The following PDILT variants were observed in gnomAD, a reference collection of about 807,000 sequenced individuals.
PDILT encodes the protein protein disulfide-isomerase-like protein of the testis.
In PDILT, 43 loss-of-function variants were observed where a neutral mutation model predicts 53.7. The observed-to-expected ratio is 0.80, with a 90% CI of 0.63 to 1.03. The LOEUF is 1.03. Ranked by LOEUF, PDILT falls within the 50% of genes least tolerant of loss-of-function variation. The pLI is 0.00. For missense variants in PDILT, 727 were observed against 712.3 expected, an observed-to-expected ratio of 1.02 and a Z score of -0.24; for synonymous variants, 282 against 274.2, an observed-to-expected ratio of 1.03 and a Z score of -0.28.
rs1966268604 is a variant in PDILT at position 20,369,488 on chromosome 16, C to A, written c.1116+4G>T. On this transcript the variant is annotated splice_donor_region_variant and intron_variant, in intron 8 of 11. Coordinates refer to ENST00000302451, the MANE Select transcript of PDILT (RefSeq NM_174924.2). Reference sequence around the variant, plus strand: ...GGATAAACCTTGTCCAAGAAAAAACCTACTGTGGCATTTTTACTCAGGAAG... The same window carrying A: ...GGATAAACCTTGTCCAAGAAAAAACATACTGTGGCATTTTTACTCAGGAAG... 1 of 1,613,074 alleles carries A rather than the reference C, an allele frequency of 6.2e-7. No homozygotes were observed. The highest frequency in any genetic ancestry group is 8.5e-7 in the Non-Finnish European group (1 of 1,179,060).
At chr16:20,390,566 A>G (rs1351924860) in intron 2 of PDILT, 1 of 152,148 alleles carries the variant, frequency 6.6e-6, no homozygotes, top group Non-Finnish European at 1.5e-5. Context: ...CGTAGGAAAT[A>G]CTATATATTT....
At chr16:20,387,974 C>T (rs1373075393) in intron 2 of PDILT, among the ~76,000 whole-genome samples, 1 of 151,976 alleles carries the variant, frequency 6.6e-6, no homozygotes, top group African/African-American at 2.4e-5. Flanking sequence ...GTAATCCAGG[C>T]AAGAGATGGT....
In PDILT at chr16:20,384,765, C is replaced by T. The variant is rs375479299; in HGVS notation, c.289G>A (p.Gly97Ser). 94 of 1,614,002 alleles carry T rather than the reference C, an allele frequency of 5.8e-5. No individual in the cohort carries two copies. The highest frequency in any genetic ancestry group is 7.5e-5 in the Non-Finnish European group (89 of 1,180,022). The change falls in exon 3 of 12, where the codon GGC becomes AGC. Residue 97 changes from glycine (G) to serine (S), a missense_variant. Coordinates refer to ENST00000302451, the MANE Select transcript of PDILT (RefSeq NM_174924.2). ...EIMGKGKNGI[G>S]FGKVDITIEK... ...ATGGTAATGTCCACTTTGCCAAAGCCGATCCCATTCTTGCCTTTGCCCATG... is the reference window on the plus strand; with the variant it reads ...ATGGTAATGTCCACTTTGCCAAAGCTGATCCCATTCTTGCCTTTGCCCATG...
In PDILT at chr16:20,373,027, G is replaced by A. The variant is rs145263436; in HGVS notation, c.777C>T (p.Ile259=). Residue 259 remains isoleucine (I), a synonymous_variant, in exon 6 of 12, where the codon ATC becomes ATT. Transcript: ENST00000302451. ...VIKQHLTDFV[I]EYNTENKDLI... ...ACTCACTGACCTCAGTGTTGTATTCGATCACAAAATCTGTAAGGTGCTGTT... is the reference window on the plus strand; with the variant it reads ...ACTCACTGACCTCAGTGTTGTATTCAATCACAAAATCTGTAAGGTGCTGTT... The A allele has an allele frequency of 5.0e-5, 80 of 1,613,976 alleles. No individual in the cohort carries two copies. Among genetic ancestry groups the A allele is most frequent in the African/African-American group, 3.9e-4 (29 of 74,966 alleles).
At chr16:20,377,711 T>C (rs1966406358) in intron 3 of PDILT, among the ~76,000 whole-genome samples, 1 of 152,074 alleles carries the variant, frequency 6.6e-6, no homozygotes, top group South Asian at 2.1e-4. Context: ...TCCCAGCACT[T>C]TGGGAGGCCG....
intron 1 of PDILT, among the ~76,000 whole-genome samples, chr16:20,399,961 G>T (rs1966708509): frequency 6.6e-6 from 1 of 151,752 alleles, no homozygotes; most frequent in African/African-American, 2.4e-5. Context: ...AGTATGGAAT[G>T]AATCCTTACA....
At chr16:20,360,138 T>A (rs1966076299) in intron 11 of PDILT, among the ~76,000 whole-genome samples, 1 of 151,596 alleles carries the variant, frequency 6.6e-6, no homozygotes, top group South Asian at 2.1e-4. Flanking sequence ...AAGCAAAGAG[T>A]AGTGTCTGAA....
intron 8 of PDILT, among the ~76,000 whole-genome samples, chr16:20,366,637 C>T (rs142164339): frequency 3.3e-5 from 5 of 152,094 alleles, no homozygotes; most frequent in Non-Finnish European, 5.9e-5. Flanking sequence ...ACTGAATGAA[C>T]AAAAAATGAG....
At position 20,359,437 on chromosome 16, in the gene PDILT, G is replaced by A. The variant is rs1380327184; in HGVS notation, c.1637C>T (p.Ser546Phe). The A allele has an allele frequency of 1.2e-6, 2 of 1,614,078 alleles. No homozygotes were observed. The highest frequency in any genetic ancestry group is 2.7e-5 in the African/African-American group (2 of 74,998). ...PELENMTKYV[S>F]KLEEPAGKKK... Reference sequence around the variant, plus strand: ...CTTCCCAGCGGGCTCTTCCAGCTTGGATACGTACTTGGTCATGTTCTCCAG... The same window carrying A: ...CTTCCCAGCGGGCTCTTCCAGCTTGAATACGTACTTGGTCATGTTCTCCAG... The change falls in exon 12 of 12, where the codon TCC becomes TTC. Residue 546 changes from serine to phenylalanine, a missense_variant. By Grantham distance (155) the Ser-to-Phe change is radical. Coordinates refer to ENST00000302451, the MANE Select transcript of PDILT (RefSeq NM_174924.2).
intron 2 of PDILT, among the ~76,000 whole-genome samples, chr16:20,391,641 C>A (rs993203162): frequency 3.9e-5 from 6 of 152,022 alleles, no homozygotes; most frequent in South Asian, 2.1e-4. Flanking sequence ...TCTATGGAAG[C>A]CTACCATGCT....
At chr16:20,390,587 T>C (rs1324914665) in intron 2 of PDILT, 1 of 152,196 alleles carries the variant, frequency 6.6e-6, no homozygotes, top group Non-Finnish European at 1.5e-5. Flanking sequence ...TACTTATTTT[T>C]CTTTTGTCTT....
intron 2 of PDILT, among the ~76,000 whole-genome samples, chr16:20,395,534 T>C (rs779328312): frequency 3.1e-4 from 47 of 152,340 alleles, no homozygotes; most frequent in Admixed American, 7.2e-4. Flanking sequence ...GGAGTTGCTA[T>C]GTCAGGCATT....
chr16:20,394,986 A>C (rs1966645220), intron 2 of PDILT, among the ~76,000 whole-genome samples: 1 of 152,242 alleles, frequency 6.6e-6, no homozygotes, highest in African/African-American at 2.4e-5. Context: ...GTGATCTTTA[A>C]GATAACTAGT....
intron 2 of PDILT, among the ~76,000 whole-genome samples, chr16:20,395,169 C>T (rs765006604): frequency 6.6e-6 from 1 of 152,146 alleles, no homozygotes; most frequent in African/African-American, 2.4e-5. Context: ...ATGGCAAATA[C>T]TGAGAATCAG....
intron 7 of PDILT, 32 bp from the exon 8 acceptor site, chr16:20,369,721 G>A (rs1966275746): frequency 6.2e-7 from 1 of 1,609,976 alleles, no homozygotes; most frequent in Non-Finnish European, 8.5e-7. Flanking sequence ...TTGTCTCTCT[G>A]GATCCTTTGC....
At chr16:20,367,029 T>TTCTTTCTTTCTTTCTTTCTCTCTCTC (rs1966211168) in intron 8 of PDILT, among the ~76,000 whole-genome samples, 1 of 4,622 alleles carries the variant, frequency 2.2e-4, no homozygotes, top group African/African-American at 7.5e-4. Context: ...TCTTTCTTCT[T>TTCTTTCTTTCTTTCTTTCTCTCTCTC]TCTTTCTTTC....
chr16:20,379,559 C>G (rs907056420), intron 3 of PDILT, among the ~76,000 whole-genome samples: 3 of 152,194 alleles, frequency 2.0e-5, no homozygotes, highest in African/African-American at 7.2e-5. Context: ...AAGCAATTCT[C>G]CCACCTTAGC....
At chr16:20,381,258 A>G (rs1966457235) in intron 3 of PDILT, among the ~76,000 whole-genome samples, 1 of 152,228 alleles carries the variant, frequency 6.6e-6, no homozygotes, top group Non-Finnish European at 1.5e-5. Flanking sequence ...GTCACATTGC[A>G]GAAGATGCGT....
chr16:20,381,159 A>T (rs988200736), intron 3 of PDILT, among the ~76,000 whole-genome samples: 3 of 152,190 alleles, frequency 2.0e-5, no homozygotes, highest in Non-Finnish European at 4.4e-5. Context: ...CCTGCCATCA[A>T]TCCTTGGAGA....
Sources: gnomAD v4.1 joint callset for allele counts (sites outside exome capture counted in the v4.1 genomes callset) on GRCh38, gnomAD v4.1.1 for gene constraint, MANE v1.5 for transcripts, NCBI Gene and HGNC (gene_info 2026-07-23, HGNC 2026-07-21) for gene names.